CSMD1: variants seen among roughly 807,000 people sequenced by gnomAD.
The protein encoded by CSMD1 is CUB and sushi domain-containing protein 1.
CSMD1 carries 213 observed loss-of-function variants against 417.5 expected under a neutral mutation model. That is an observed-to-expected ratio of 0.51 (90% confidence interval 0.46 to 0.57). The LOEUF (loss-of-function observed/expected upper bound fraction) is 0.57, where lower values mean the gene tolerates loss of function less well. Among genes scored for constraint, CSMD1 ranks in the 20% least tolerant of loss-of-function variants. CSMD1 has a pLI of 0.00. For synonymous variants in CSMD1, 2,862 were observed against 1,736.8 expected (o/e 1.65, Z -16.11); for missense variants, 6,923 against 4,529.7 (o/e 1.53, Z -15.17).
intron 7 of CSMD1, among the ~76,000 whole-genome samples, chr8:3,706,926 A>G (rs1196885688): frequency 6.6e-6 from 1 of 152,044 alleles, no homozygotes; most frequent in East Asian, 1.9e-4. Context: ...TTTCCAATCT[A>G]ATTTCATTAA....
intron 1 of CSMD1, among the ~76,000 whole-genome samples, chr8:4,976,219 C>G (rs1206931067): frequency 6.6e-6 from 1 of 152,146 alleles, no homozygotes; most frequent in Non-Finnish European, 1.5e-5. Context: ...GCCTGGGTGA[C>G]AAGAGTATCC....
intron 26 of CSMD1, among the ~76,000 whole-genome samples, chr8:3,242,101 A>G (rs1234838540): frequency 1.3e-5 from 2 of 148,994 alleles, no homozygotes; most frequent in Non-Finnish European, 3.0e-5. Flanking sequence ...ATAAAGAAAA[A>G]GGAGCATTAA....
intron 5 of CSMD1, among the ~76,000 whole-genome samples, chr8:3,949,450 A>G (rs1388656755): frequency 1.3e-5 from 2 of 152,202 alleles, no homozygotes; most frequent in Non-Finnish European, 2.9e-5. Flanking sequence ...CAATTTAAGG[A>G]AAAGGATACA....
intron 12 of CSMD1, among the ~76,000 whole-genome samples, chr8:3,451,708 G>C (rs1013206981): frequency 2.6e-5 from 4 of 152,116 alleles, no homozygotes; most frequent in Admixed American, 6.5e-5. Context: ...ATGCTGTTTT[G>C]GTTACGGTAG....
chr8:4,045,916 T>C (rs1431059553), intron 3 of CSMD1, among the ~76,000 whole-genome samples: 2 of 152,166 alleles, frequency 1.3e-5, no homozygotes, highest in East Asian at 1.9e-4. Context: ...ACACAGGTAT[T>C]ACATATTTTC....
intron 1 of CSMD1, among the ~76,000 whole-genome samples, chr8:4,658,133 A>G (rs567327489): frequency 3.9e-5 from 6 of 152,272 alleles, no homozygotes; most frequent in Admixed American, 3.9e-4. Context: ...CAATATATGC[A>G]TAATAAAAAA....
At chr8:3,655,026 T>C (rs192924159) in intron 7 of CSMD1, among the ~76,000 whole-genome samples, 14 of 152,336 alleles carry the variant, frequency 9.2e-5, no homozygotes, top group Non-Finnish European at 4.4e-5. Context: ...AATTTTTAAA[T>C]TTAATTAAAA....
Position 3,359,198 on chromosome 8 carries a change from C to G in CSMD1, c.3258G>C (p.Leu1086=), listed in dbSNP as rs927000857. ...RLEGATKLTC[L]GGGRRVWSAP... ...CACTCCACACACGGCGGCCCCCACC[C>G]AGGCAGGTAAGCTTGGTGGCACCTT... is the stretch of plus-strand genomic sequence containing the variant. Residue 1086 remains leucine (L), a synonymous_variant, in exon 21 of 70, where the codon CTG becomes CTC. Transcript: ENST00000635120. 5.0e-6 allele frequency: 8 copies of G among 1,613,872 alleles called. No homozygotes were observed. The African/African-American group carries it at 5.3e-5, about 11-fold the overall frequency.
intron 17 of CSMD1, among the ~76,000 whole-genome samples, chr8:3,392,562 C>T (rs181376829): frequency 8.1e-4 from 123 of 152,194 alleles, no homozygotes; most frequent in Middle Eastern, 3.4e-3. Flanking sequence ...CCCCTTCCCT[C>T]CTGCTTGCCT....
At chr8:4,112,767 C>A (rs997628424) in intron 3 of CSMD1, among the ~76,000 whole-genome samples, 1 of 152,176 alleles carries the variant, frequency 6.6e-6, no homozygotes, top group Non-Finnish European at 1.5e-5. Context: ...AATGCTCCAG[C>A]TTATGGCTCC....
intron 3 of CSMD1, among the ~76,000 whole-genome samples, chr8:4,167,566 C>T (rs1469292340): frequency 6.6e-6 from 1 of 152,030 alleles, no homozygotes; most frequent in African/African-American, 2.4e-5. Flanking sequence ...AAATTAGCAG[C>T]AAAAATTCAA....
chr8:2,949,020 C>T (rs961906709), intron 68 of CSMD1, among the ~76,000 whole-genome samples: 21 of 150,064 alleles, frequency 1.4e-4, no homozygotes, highest in African/African-American at 4.4e-4. Context: ...ATATACTTTG[C>T]TTATACTTTG....
chr8:3,937,407 C>T (rs1018957264), intron 5 of CSMD1, among the ~76,000 whole-genome samples: 4 of 152,124 alleles, frequency 2.6e-5, no homozygotes, highest in Admixed American at 2.6e-4. Flanking sequence ...TAAGAAATTG[C>T]AAGTCACCTC....
intron 1 of CSMD1, among the ~76,000 whole-genome samples, chr8:4,824,832 T>G (rs571117434): frequency 6.6e-6 from 1 of 152,254 alleles, no homozygotes; most frequent in African/African-American, 2.4e-5. Flanking sequence ...TAGCCTATAT[T>G]TAAGAAACAA....
intron 3 of CSMD1, among the ~76,000 whole-genome samples, chr8:4,321,169 C>G (rs1799252816): frequency 6.7e-6 from 1 of 148,166 alleles, no homozygotes. Flanking sequence ...TGTCACCTCG[C>G]ACAGTGATCA....
intron 2 of CSMD1, among the ~76,000 whole-genome samples, chr8:4,622,109 G>A (rs1413428269): frequency 6.6e-6 from 1 of 150,782 alleles, no homozygotes; most frequent in African/African-American, 2.5e-5. Context: ...TCTCATCAGG[G>A]AAATTCAGTA....
chr8:3,431,783 T>C (rs898336941), intron 12 of CSMD1, among the ~76,000 whole-genome samples: 5 of 152,312 alleles, frequency 3.3e-5, no homozygotes, highest in South Asian at 2.1e-4. Context: ...GAAAATTTGC[T>C]CCTATTTATT....
At chr8:4,829,948 C>T (rs1458546846) in intron 1 of CSMD1, among the ~76,000 whole-genome samples, 1 of 152,056 alleles carries the variant, frequency 6.6e-6, no homozygotes, top group Non-Finnish European at 1.5e-5. Context: ...AGAAAGAAAA[C>T]ACACACAAAA....
chr8:3,859,341 T>C (rs1410878438), intron 5 of CSMD1, among the ~76,000 whole-genome samples: 2 of 152,298 alleles, frequency 1.3e-5, no homozygotes, highest in East Asian at 3.9e-4. Context: ...TCACTTTCAT[T>C]CTCCATAATA....
Sources: allele counts gnomAD v4.1 joint callset (sites outside exome capture counted in the v4.1 genomes callset), GRCh38; gene constraint gnomAD v4.1.1; transcripts MANE v1.5; gene names NCBI Gene and HGNC (gene_info 2026-07-23, HGNC 2026-07-21).